The following THRA variants were observed in gnomAD, a reference collection of about 807,000 sequenced individuals.
The protein encoded by THRA is EAR-7.
In THRA, 13 loss-of-function variants were observed where a neutral mutation model predicts 45.0. The ratio of observed to expected loss-of-function variants is 0.29; its 90% CI spans 0.19 to 0.46. THRA has a LOEUF of 0.46. Ranked by LOEUF, THRA falls within the 20% of genes least tolerant of loss-of-function variation. The pLI is 1.00. For synonymous variants in THRA, 195 were observed against 214.0 expected (o/e 0.91, Z 0.78); for missense variants, 278 against 556.1 (o/e 0.50, Z 5.03).
At chr17:40,093,371 G>C (rs1208586927), downstream of THRA, 2 of 1,610,992 alleles carry the variant, frequency 1.2e-6, no homozygotes, top group South Asian at 2.2e-5. This position sits in a 1 kb window ranked among gnomAD's most constrained non-coding sequence, Gnocchi z 5.9. Context: ...AGGCAATGCA[G>C]CCTCTCCCTG....
chr17:40,083,309 C>T (rs149790103), intron 4 of THRA, among the ~76,000 whole-genome samples: 487 of 152,052 alleles, frequency 3.2e-3, no homozygotes, highest in Non-Finnish European at 5.1e-3. Flanking sequence ...CCTCATGATT[C>T]ATCCGCCTTG....
rs1987445867 is a variant in THRA, at chr17:40,089,226, G to A, written c.1003G>A (p.Val335Met). 2.5e-6 allele frequency: 4 copies of A among 1,613,898 alleles called. No homozygotes were observed. Among genetic ancestry groups the A allele is most frequent in the Non-Finnish European group, 3.4e-6 (4 of 1,179,986 alleles). Residue 335 changes from valine (V) to methionine (M), a missense_variant, in exon 9 of 9, where the codon GTG becomes ATG. Around this residue, in one of 6 missense-constraint regions of THRA, gnomAD observed 66 missense variants for 94.7 expected, o/e 0.70. Coordinates refer to ENST00000450525, the MANE Select transcript of THRA (RefSeq NM_199334.5). This position sits in a 1 kb window ranked among gnomAD's most constrained non-coding sequence, Gnocchi z 6.1. ...MSTDRSGLLC[V>M]DKIEKSQEAY... Reference sequence around the variant, plus strand: ...CACAGACCGCTCGGGCCTGCTGTGTGTGGACAAGATCGAGAAGAGTCAGGA... The same window carrying A: ...CACAGACCGCTCGGGCCTGCTGTGTATGGACAAGATCGAGAAGAGTCAGGA...
intron 8 of THRA, 115 bp downstream of exon 8, chr17:40,088,615 T>A (rs1480082319): frequency 7.5e-7 from 1 of 1,326,472 alleles, no homozygotes; most frequent in Non-Finnish European, 1.0e-6. Flanking sequence ...TACCTCTCTG[T>A]CACCTGGGCC....
At position 40,091,261 on chromosome 17, in the gene THRA, C is replaced by CGG. The variant is rs1987530464; in HGVS notation, c.*1805_*1806insGG. The CGG allele has an allele frequency of 6.6e-6, 1 of 151,978 alleles. No homozygotes were observed. Among genetic ancestry groups the CGG allele is most frequent in the Non-Finnish European group, 1.4e-5 (1 of 70,720 alleles). 9.4% of individuals were successfully genotyped at this position (151,978 alleles called of 1,614,324 possible). ...ACACACACACACACACACACACACA[C>CGG]ACACACACACGGACATGCACACACG... On this transcript the variant is annotated 3_prime_UTR_variant, in exon 9 of 9. Coordinates refer to ENST00000450525, the MANE Select transcript of THRA (RefSeq NM_199334.5).
intron 4 of THRA, 44 bp from the exon 5 acceptor site, chr17:40,083,791 A>G (rs1291902020): frequency 1.3e-6 from 2 of 1,547,888 alleles, no homozygotes; most frequent in African/African-American, 1.4e-5. Context: ...CAGGAAGGGG[A>G]AGCCATGTCA....
intron 4 of THRA, among the ~76,000 whole-genome samples, chr17:40,082,522 C>T (rs1163023272): frequency 1.3e-5 from 2 of 151,234 alleles, no homozygotes; most frequent in Non-Finnish European, 2.9e-5. Flanking sequence ...GGGGCAGGCC[C>T]AGCTAATTTT....
rs1987476120 is a variant in THRA at position 40,090,053 on chromosome 17, G to A, written c.*597G>A. On this transcript the variant is annotated 3_prime_UTR_variant, in exon 9 of 9. Coordinates refer to ENST00000450525, the MANE Select transcript of THRA (RefSeq NM_199334.5). ...TAGACAGAGAGAAAAATACAAAAAAGAGAGAGCGAGCGATAGAGAGAGATG... is the reference window on the plus strand; with the variant it reads ...TAGACAGAGAGAAAAATACAAAAAAAAGAGAGCGAGCGATAGAGAGAGATG... 1 of 984,996 alleles carries A rather than the reference G, an allele frequency of 1.0e-6. No homozygotes were observed. Among genetic ancestry groups the A allele is most frequent in the Non-Finnish European group, 1.2e-6 (1 of 828,878 alleles). 61.0% of individuals were successfully genotyped at this position (984,996 alleles called of 1,614,324 possible).
At chr17:40,093,253 C>G (rs1987655550), downstream of THRA, 1 of 1,613,636 alleles carries the variant, frequency 6.2e-7, no homozygotes, top group Non-Finnish European at 8.5e-7. This position sits in a 1 kb window ranked among gnomAD's most constrained non-coding sequence, Gnocchi z 5.9. Flanking sequence ...AGCTGCTCCA[C>G]CGAAGCGGAA....
intron 4 of THRA, among the ~76,000 whole-genome samples, chr17:40,082,292 G>A (rs551927085): frequency 3.5e-4 from 47 of 136,214 alleles, no homozygotes; most frequent in Non-Finnish European, 5.5e-4. Context: ...TTGGCTCACC[G>A]CAACCTCTGC....
chr17:40,088,614 G>A, intron 8 of THRA, 114 bp downstream of exon 8: 2 of 1,346,130 alleles, frequency 1.5e-6, no homozygotes, highest in Non-Finnish European at 2.0e-6. Flanking sequence ...CTACCTCTCT[G>A]TCACCTGGGC....
At chr17:40,083,797 T>C (rs377723109) in intron 4 of THRA, 38 bp from the exon 5 acceptor site, 80 of 1,559,422 alleles carry the variant, frequency 5.1e-5, no homozygotes, top group Non-Finnish European at 6.5e-5. Context: ...GGGGAAGCCA[T>C]GTCATGATCA....
intron 4 of THRA, among the ~76,000 whole-genome samples, chr17:40,082,207 C>CTTTTTTTTTTTTTTTTTTTTTTTTTTTTT (rs770974952): frequency 1.3e-5 from 1 of 78,784 alleles, no homozygotes; most frequent in Non-Finnish European, 2.5e-5. Flanking sequence ...CTTGGATTTC[C>CTTTTTTTTTTTTTTTTTTTTTTTTTTTTT]TTTTTTTTTT....
At position 40,086,670 on chromosome 17, in the gene THRA, G is replaced by A. The variant is rs577808923; in HGVS notation, c.577-37G>A. 1.9e-6 allele frequency: 3 copies of A among 1,603,928 alleles called. No individual in the cohort carries two copies. In the South Asian group the frequency reaches 3.3e-5, roughly 18 times the overall value. ...GAGCCTCAGTGAGAGGCTGAAAGGG[G>A]TCTGCGGCCCCAGCTGACCCCCGTC... On this transcript the variant is annotated intron_variant, in intron 6 of 8. Transcript: ENST00000450525.
chr17:40,083,348 TG>T (rs1987212830), intron 4 of THRA, among the ~76,000 whole-genome samples: 1 of 152,182 alleles, frequency 6.6e-6, no homozygotes, highest in South Asian at 2.1e-4. Context: ...ATTATAGGCA[TG>T]AGCCACTGCA....
At chr17:40,070,198 G>A (rs75773880) in intron 1 of THRA, among the ~76,000 whole-genome samples, 3,998 of 152,034 alleles carry the variant, frequency 0.026, 171 homozygotes, top group African/African-American at 0.091. Context: ...AAGGGGTGCC[G>A]CCTCCCCTCC....
chr17:40,074,607 C>A, intron 2 of THRA, 66 bp downstream of exon 2: 1 of 1,566,106 alleles, frequency 6.4e-7, no homozygotes, highest in South Asian at 1.1e-5. Context: ...TGGCTGAGCT[C>A]TCCTTTAGGC....
In THRA at chr17:40,089,884, C is replaced by T; in HGVS notation, c.*428C>T. ...CAGTTCCTTGGCCTAGGTCTCCCCT[C>T]CAGGCTGAGGGCCTCTCTACTTCCC... On this transcript the variant is annotated 3_prime_UTR_variant, in exon 9 of 9. Transcript: ENST00000450525. This position sits in a 1 kb window ranked among gnomAD's most constrained non-coding sequence, Gnocchi z 6.1. 1 of 1,008,650 alleles carries T rather than the reference C, an allele frequency of 9.9e-7. No homozygotes were observed. Among genetic ancestry groups the T allele is most frequent in the African/African-American group, 1.7e-5 (1 of 57,864 alleles). The allele number at this position is 1,008,650 out of a possible 1,614,324, so 62.5% of individuals were successfully genotyped here.
In THRA at chr17:40,089,799, G is replaced by A. The variant is rs1049119835; in HGVS notation, c.*343G>A. On this transcript the variant is annotated 3_prime_UTR_variant, in exon 9 of 9. Coordinates refer to ENST00000450525, the MANE Select transcript of THRA (RefSeq NM_199334.5). This position sits in a 1 kb window ranked among gnomAD's most constrained non-coding sequence, Gnocchi z 6.1. ...TTGACCGTAGGGGAAGGAGGAATGT[G>A]GGCTGGGGGAAGATGCCCTCAACTC... 7.1e-5 allele frequency: 81 copies of A among 1,146,126 alleles called. No homozygotes were observed. The highest frequency in any genetic ancestry group is 7.8e-5 in the Non-Finnish European group (72 of 925,458). The allele number at this position is 1,146,126 out of a possible 1,614,324, so 71.0% of individuals were successfully genotyped here.
In THRA at chr17:40,089,673, A is replaced by G; in HGVS notation, c.*217A>G. On this transcript the variant is annotated 3_prime_UTR_variant, in exon 9 of 9. Coordinates refer to ENST00000450525, the MANE Select transcript of THRA (RefSeq NM_199334.5). This position sits in a 1 kb window ranked among gnomAD's most constrained non-coding sequence, Gnocchi z 6.1. ...AACAACTGAACTTGCTATGGAAAGG[A>G]CAGTGTGGGAGGCTGGGGGAGCTGT... 2.1e-6 allele frequency: 3 copies of G among 1,406,078 alleles called. No homozygotes were observed. Among genetic ancestry groups the G allele is most frequent in the South Asian group, 1.5e-5 (1 of 65,646 alleles). 87.1% of individuals were successfully genotyped at this position (1,406,078 alleles called of 1,614,324 possible).
Sources: gnomAD v4.1 joint callset for allele counts (sites outside exome capture counted in the v4.1 genomes callset) on GRCh38, gnomAD v4.1.1 for gene constraint, gnomAD v4.1.1 regional missense constraint, Gnocchi (gnomAD v3.1) non-coding constraint, MANE v1.5 for transcripts, NCBI Gene and HGNC (gene_info 2026-07-23, HGNC 2026-07-21) for gene names.